The following GPC5 variants were observed in gnomAD, a reference collection of about 807,000 sequenced individuals.
GPC5 encodes the protein glypican-5.
Under a neutral mutation model 53.9 loss-of-function variants are expected in GPC5, and 47 were observed. The ratio of observed to expected loss-of-function variants is 0.87; its 90% CI spans 0.69 to 1.11. The LOEUF (loss-of-function observed/expected upper bound fraction) is 1.11. Among genes scored for constraint, GPC5 ranks in the 50% most tolerant of loss-of-function variants. The probability of loss-of-function intolerance (pLI) is 0.00; values close to 1 mark genes in which losing one functional copy is unlikely to be tolerated. For missense variants in GPC5, 748 were observed against 713.1 expected, an observed-to-expected ratio of 1.05 and a Z score of -0.56; for synonymous variants, 286 against 263.3, an observed-to-expected ratio of 1.09 and a Z score of -0.84.
chr13:91,689,188 T>A (rs891706374), intron 2 of GPC5, among the ~76,000 whole-genome samples: 8 of 45,182 alleles, frequency 1.8e-4, no homozygotes, highest in South Asian at 6.3e-4. Flanking sequence ...TATATAAATA[T>A]ATATATATAT....
At chr13:92,172,302 G>A (rs2042076455) in intron 7 of GPC5, among the ~76,000 whole-genome samples, 1 of 152,124 alleles carries the variant, frequency 6.6e-6, no homozygotes, top group South Asian at 2.1e-4. Flanking sequence ...ACATGAAAAA[G>A]ATGATCCTAA....
intron 6 of GPC5, among the ~76,000 whole-genome samples, chr13:92,083,763 C>T (rs2041315145): frequency 6.6e-6 from 1 of 152,146 alleles, no homozygotes; most frequent in Non-Finnish European, 1.5e-5. Context: ...GCCACACTGT[C>T]TTCCACAATG....
intron 7 of GPC5, among the ~76,000 whole-genome samples, chr13:92,816,087 C>A (rs1337910300): frequency 6.6e-6 from 1 of 151,894 alleles, no homozygotes; most frequent in Non-Finnish European, 1.5e-5. Context: ...GAGTTCAAGT[C>A]ATTAATGAAA....
intron 2 of GPC5, among the ~76,000 whole-genome samples, chr13:91,503,817 A>AATAATAATCATCATCATCATCATC (rs1555316221): frequency 4.1e-5 from 6 of 147,416 alleles, no homozygotes; most frequent in African/African-American, 1.2e-4. Flanking sequence ...TAATAATAAT[A>AATAATAATCATCATCATCATCATC]ATCAGGCTGT....
At chr13:92,707,094 C>CAGAACTAT (rs1384782806) in intron 7 of GPC5, among the ~76,000 whole-genome samples, 2 of 146,816 alleles carry the variant, frequency 1.4e-5, no homozygotes, top group Non-Finnish European at 3.0e-5. Flanking sequence ...TTCCAGCCTC[C>CAGAACTAT]AGAACTATAT....
chr13:92,092,739 G>A (rs1488801917), intron 6 of GPC5, among the ~76,000 whole-genome samples: 1 of 151,964 alleles, frequency 6.6e-6, no homozygotes, highest in Non-Finnish European at 1.5e-5. Context: ...CAATGTCAAA[G>A]GATAATTAAT....
intron 2 of GPC5, among the ~76,000 whole-genome samples, chr13:91,460,218 G>C (rs1390159467): frequency 6.6e-6 from 1 of 151,844 alleles, no homozygotes; most frequent in African/African-American, 2.4e-5. Flanking sequence ...GAACACATTT[G>C]CTCTTCTTAT....
At chr13:92,441,075 GT>G (rs1264654275) in intron 7 of GPC5, among the ~76,000 whole-genome samples, 2 of 150,986 alleles carry the variant, frequency 1.3e-5, no homozygotes, top group South Asian at 2.1e-4. Flanking sequence ...CTCATTTATC[GT>G]TTTTTTTTCT....
intron 6 of GPC5, among the ~76,000 whole-genome samples, chr13:92,108,104 C>T (rs1444672646): frequency 6.6e-6 from 1 of 152,174 alleles, no homozygotes; most frequent in East Asian, 1.9e-4. Flanking sequence ...CATTAGTCAT[C>T]CTTTCCTTTG....
chr13:92,430,776 A>G (rs1877049773), intron 7 of GPC5, among the ~76,000 whole-genome samples: 1 of 152,158 alleles, frequency 6.6e-6, no homozygotes, highest in South Asian at 2.1e-4. Context: ...GTGAGGGACA[A>G]TGGGAACCCA....
intron 5 of GPC5, among the ~76,000 whole-genome samples, chr13:91,857,682 G>T (rs2038981679): frequency 6.7e-6 from 1 of 149,940 alleles, no homozygotes; most frequent in Non-Finnish European, 1.5e-5. Context: ...ATACATACTT[G>T]CCTTGTTCCC....
At chr13:92,234,575 C>CT (rs1160012369) in intron 7 of GPC5, among the ~76,000 whole-genome samples, 2 of 150,812 alleles carry the variant, frequency 1.3e-5, no homozygotes, top group African/African-American at 4.9e-5. Flanking sequence ...AGGGTTTGGG[C>CT]TGGGGGGCAA....
intron 7 of GPC5, among the ~76,000 whole-genome samples, chr13:92,266,474 G>C (rs2042803093): frequency 6.6e-6 from 1 of 152,046 alleles, no homozygotes; most frequent in Admixed American, 6.6e-5. Flanking sequence ...ATAGGATATA[G>C]GAAGCAAAAA....
At chr13:92,556,679 T>C (rs1882505777) in intron 7 of GPC5, among the ~76,000 whole-genome samples, 1 of 151,822 alleles carries the variant, frequency 6.6e-6, no homozygotes, top group Non-Finnish European at 1.5e-5. Flanking sequence ...TTTAATGTAG[T>C]AATTTTTTCC....
chr13:92,724,693 A>G (rs1228759999), intron 7 of GPC5, among the ~76,000 whole-genome samples: 1 of 151,664 alleles, frequency 6.6e-6, no homozygotes, highest in African/African-American at 2.4e-5. Flanking sequence ...AAAATTGAAC[A>G]GTATTTGCAG....
At chr13:92,120,910 TC>T (rs1285285998) in intron 6 of GPC5, among the ~76,000 whole-genome samples, 1 of 152,208 alleles carries the variant, frequency 6.6e-6, no homozygotes, top group Non-Finnish European at 1.5e-5. Flanking sequence ...TTTCAATTCT[TC>T]TTGAAATTAT....
chr13:91,658,516 C>A lies in GPC5; in HGVS notation c.326-34671C>A, dbSNP rs79740471. On this transcript the variant is annotated intron_variant, in intron 2 of 7. Transcript: ENST00000377067. ...TTAAAATTTTCAATCCAATTAGGCA[C>A]CCAAATTGACCTTTCTTGTTTAATG... Among the ~76,000 whole-genome samples, 1,171 of 152,272 alleles carry A rather than the reference C, an allele frequency of 7.7e-3. 19 individuals are homozygous for A. Among genetic ancestry groups the A allele is most frequent in the African/African-American group, 0.027 (1,118 of 41,552 alleles).
At chr13:92,222,571 T>C (rs1022275836) in intron 7 of GPC5, among the ~76,000 whole-genome samples, 2 of 152,196 alleles carry the variant, frequency 1.3e-5, no homozygotes, top group African/African-American at 4.8e-5. Flanking sequence ...CTTTCACTGT[T>C]GTATTTTTTC....
intron 7 of GPC5, among the ~76,000 whole-genome samples, chr13:92,577,418 A>ATGTGTGTGTGTG (rs56162097): frequency 0.056 from 8,156 of 145,302 alleles, 254 homozygotes; most frequent in Non-Finnish European, 0.072. Flanking sequence ...ATGTATGTAT[A>ATGTGTGTGTGTG]TGTGTGTGTG....
Sources: gnomAD v4.1 joint callset for allele counts (sites outside exome capture counted in the v4.1 genomes callset) on GRCh38, gnomAD v4.1.1 for gene constraint, MANE v1.5 for transcripts, NCBI Gene and HGNC (gene_info 2026-07-23, HGNC 2026-07-21) for gene names.